The following MTM1 variants were observed in gnomAD, a reference collection of about 807,000 sequenced individuals.
MTM1 encodes myotubularin.
Under a neutral mutation model 52.1 loss-of-function variants are expected in MTM1, and 9 were observed. That is an observed-to-expected ratio of 0.17 (90% CI 0.10 to 0.30). MTM1 has a LOEUF of 0.30. Ranked by LOEUF, MTM1 falls within the 10% of genes least tolerant of loss-of-function variation. The probability of loss-of-function intolerance (pLI) is 1.00; values close to 1 mark genes in which losing one functional copy is unlikely to be tolerated. For missense variants in MTM1, 277 were observed against 470.7 expected (o/e 0.59, Z 3.81); for synonymous variants, 136 against 163.8 (o/e 0.83, Z 1.29).
At chrX:150,603,421 G>A (rs1331516987) in intron 4 of MTM1, among the ~76,000 whole-genome samples, 3 of 111,748 alleles carry the variant, frequency 2.7e-5, no homozygotes, top group Non-Finnish European at 5.6e-5. Context: ...GGTTAGGGGC[G>A]GGAGAGACTG....
chrX:150,660,448 T>G lies in MTM1; in HGVS notation c.1431T>G (p.Thr477=). ...LDHLYSCRFG[T]FLFNCESARE... ...ATCTGTATAGTTGCCGATTTGGTAC[T>G]TTCTTATTCAACTGTGAATCTGCTC... Residue 477 remains threonine, a synonymous_variant, in exon 13 of 15, where the codon ACT becomes ACG. Transcript: ENST00000370396. The G allele has an allele frequency of 2.5e-6, 3 of 1,201,267 alleles. No individual in the cohort carries two copies. Among genetic ancestry groups the G allele is most frequent in the Non-Finnish European group, 3.4e-6 (3 of 885,733 alleles).
chrX:150,581,190 T>C (rs990848754), intron 1 of MTM1, among the ~76,000 whole-genome samples: 1 of 111,964 alleles, frequency 8.9e-6, no homozygotes, highest in Admixed American at 9.5e-5. Flanking sequence ...AAAATTAAGA[T>C]ATGGTTAAAG....
chrX:150,639,087 A>G, intron 7 of MTM1, 61 bp downstream of exon 7: 1 of 891,796 alleles, frequency 1.1e-6, no homozygotes, highest in Non-Finnish European at 1.7e-6. Context: ...TTATGACAGT[A>G]TGTCATCAGC....
At chrX:150,614,414 T>C (rs1446373821) in intron 4 of MTM1, among the ~76,000 whole-genome samples, 175 bp from the exon 5 acceptor site, 1 of 112,233 alleles carries the variant, frequency 8.9e-6, no homozygotes, top group East Asian at 2.8e-4. Flanking sequence ...GATTGCATAA[T>C]TGACTGTTTT....
At chrX:150,592,463 T>C in intron 1 of MTM1, 142 bp from the exon 2 acceptor site, 1 of 491,104 alleles carries the variant, frequency 2.0e-6, no homozygotes, top group Non-Finnish European at 3.6e-6. Flanking sequence ...GTATGTCTTA[T>C]TACCACTGGG....
In MTM1 at chrX:150,645,531, C is replaced by G. The variant is rs2039915382; in HGVS notation, c.679-152C>G. 5.9e-6 allele frequency: 3 copies of G among 511,317 alleles called. No individual in the cohort carries two copies. The Admixed American group carries it at 8.9e-5, about 15-fold the overall frequency. 42.1% of individuals were successfully genotyped at this position (511,317 alleles called of 1,213,427 possible). On this transcript the variant is annotated intron_variant, in intron 8 of 14. Coordinates refer to ENST00000370396, the MANE Select transcript of MTM1 (RefSeq NM_000252.3). ...TTAAATGCATGTCTCTGGGCACACA[C>G]ACGCAGTGAGATTGCAAGTGAACAA...
At chrX:150,604,824 C>T (rs1438333102) in intron 4 of MTM1, among the ~76,000 whole-genome samples, 1 of 111,054 alleles carries the variant, frequency 9.0e-6, no homozygotes, top group East Asian at 2.9e-4. Context: ...TACCTTATCG[C>T]ACATTCCCTA....
intron 4 of MTM1, among the ~76,000 whole-genome samples, chrX:150,607,267 C>T (rs1603139315): frequency 1.8e-5 from 2 of 110,968 alleles, no homozygotes; most frequent in Admixed American, 1.9e-4. Context: ...GGATTACAGG[C>T]GCGAGCCACT....
At chrX:150,591,411 G>A (rs1312557588) in intron 1 of MTM1, among the ~76,000 whole-genome samples, 2 of 112,678 alleles carry the variant, frequency 1.8e-5, no homozygotes, top group Middle Eastern at 8.4e-3. Flanking sequence ...CCTTGGCCTT[G>A]TAGTGTTGAA....
intron 10 of MTM1, among the ~76,000 whole-genome samples, chrX:150,654,707 C>T (rs913825321): frequency 6.3e-5 from 7 of 111,580 alleles, no homozygotes; most frequent in Admixed American, 3.8e-4. Flanking sequence ...ACCCATCACC[C>T]GAATAGTGAG....
chrX:150,619,457 TA>T (rs1557413227), intron 6 of MTM1, among the ~76,000 whole-genome samples: 1 of 112,165 alleles, frequency 8.9e-6, no homozygotes, highest in African/African-American at 3.2e-5. Flanking sequence ...AATAGCTGAA[TA>T]GGGGCAGTTT....
chrX:150,650,586 C>T (rs2040003031), intron 10 of MTM1, among the ~76,000 whole-genome samples: 1 of 111,320 alleles, frequency 9.0e-6, no homozygotes, highest in African/African-American at 3.3e-5. Flanking sequence ...TGTCATCCTA[C>T]ATTTCTTTAG....
At chrX:150,583,912 A>ATAT (rs1389294822) in intron 1 of MTM1, among the ~76,000 whole-genome samples, 1 of 37,631 alleles carries the variant, frequency 2.7e-5, no homozygotes, top group Non-Finnish European at 5.0e-5. Flanking sequence ...ATATATATAT[A>ATAT]ATATAAAATA....
chrX:150,657,657 G>A (rs1367019558), intron 10 of MTM1, among the ~76,000 whole-genome samples, 164 bp from the exon 11 acceptor site: 3 of 111,995 alleles, frequency 2.7e-5, no homozygotes, highest in African/African-American at 9.7e-5. Flanking sequence ...TGCAGCGTCT[G>A]TAGAGGACGA....
Position 150,668,632 on chromosome X carries a change from G to A in MTM1, c.1645-2796G>A, listed in dbSNP as rs190914446. Among the ~76,000 whole-genome samples the A allele has an allele frequency of 7.2e-5, 8 of 111,237 alleles. No homozygotes were observed. The East Asian group carries it at 2.2e-3, about 31-fold the overall frequency. On this transcript the variant is annotated intron_variant, in intron 14 of 14. Coordinates refer to ENST00000370396, the MANE Select transcript of MTM1 (RefSeq NM_000252.3). ...AGGCAGGAGGATCGCCTGAGCCCAG[G>A]AGTTCGAGGTTACAGTGTTCAAGAT...
At chrX:150,668,530 CAAA>C (rs59513018) in intron 14 of MTM1, among the ~76,000 whole-genome samples, 10 of 76,032 alleles carry the variant, frequency 1.3e-4, no homozygotes, top group Admixed American at 3.0e-4. Flanking sequence ...TCCATCTCTA[CAAA>C]AAAAAAAAAA....
intron 14 of MTM1, among the ~76,000 whole-genome samples, chrX:150,667,619 C>A (rs186110296): frequency 7.1e-5 from 8 of 112,096 alleles, no homozygotes; most frequent in Non-Finnish European, 1.1e-4. Flanking sequence ...TCCCACAGCA[C>A]TTACTGGGTG....
At chrX:150,565,697 A>T (rs1190457337), upstream of MTM1, among the ~76,000 whole-genome samples, 1 of 111,703 alleles carries the variant, frequency 9.0e-6, no homozygotes, top group Non-Finnish European at 1.9e-5. Flanking sequence ...GGTGCTGCCT[A>T]GCCTGCCTCC....
intron 6 of MTM1, among the ~76,000 whole-genome samples, chrX:150,633,822 A>C (rs1363853714): frequency 8.9e-6 from 1 of 112,432 alleles, no homozygotes; most frequent in African/African-American, 3.2e-5. Context: ...GCCTGAGCTC[A>C]GGAGTTCAAG....
Sources: allele counts gnomAD v4.1 joint callset (sites outside exome capture counted in the v4.1 genomes callset), GRCh38; gene constraint gnomAD v4.1.1; transcripts MANE v1.5; gene names NCBI Gene and HGNC (gene_info 2026-07-23, HGNC 2026-07-21).